Variants in TSPEAR observed in about 807,000 individuals in gnomAD.
TSPEAR encodes thrombospondin-type laminin G domain and EAR repeat-containing protein.
Under a neutral mutation model 71.6 loss-of-function variants are expected in TSPEAR, and 69 were observed. The observed-to-expected ratio is 0.96, with a 90% CI of 0.79 to 1.18. The LOEUF (loss-of-function observed/expected upper bound fraction) is 1.18. TSPEAR is among the 50% of genes most tolerant of loss of function. The pLI, the probability that TSPEAR is intolerant of heterozygous loss-of-function variation, is 0.00. For synonymous variants in TSPEAR, 402 were observed against 387.2 expected, an observed-to-expected ratio of 1.04 and a Z score of -0.45; for missense variants, 971 against 894.9, an observed-to-expected ratio of 1.09 and a Z score of -1.09.
chr21:44,540,091 A>G (rs77453493), intron 2 of TSPEAR: 16,454 of 1,613,758 alleles, frequency 0.01, 86 homozygotes, highest in African/African-American at 0.019. Context: ...CTGGGCAGGC[A>G]TCCACCTGCC....
chr21:44,593,775 C>T lies in TSPEAR; in HGVS notation c.83-25770G>A, dbSNP rs1980165571. On this transcript the variant is annotated intron_variant, in intron 1 of 11. Coordinates refer to ENST00000323084, the MANE Select transcript of TSPEAR (RefSeq NM_144991.3). The surrounding 1 kb of genome is among the most constrained non-coding windows in gnomAD (Gnocchi z 5.9). ...ACACTGAGAGGACGGACTCTGCTCT[C>T]ACGCCACAGCTGCTGTTTTTCTACA... Among the ~76,000 whole-genome samples, 2 of 152,232 alleles carry T rather than the reference C, an allele frequency of 1.3e-5. No individual in the cohort carries two copies. The highest frequency in any genetic ancestry group is 2.9e-5 in the Non-Finnish European group (2 of 68,050).
At chr21:44,601,694 C>G (rs782544564) in intron 1 of TSPEAR, 7 of 1,612,166 alleles carry the variant, frequency 4.3e-6, no homozygotes, top group Non-Finnish European at 5.1e-6. Flanking sequence ...TCCCGCCCGG[C>G]CTGCTGTGGC....
intron 2 of TSPEAR, chr21:44,558,101 G>T (rs781824047): frequency 6.2e-7 from 1 of 1,610,252 alleles, no homozygotes; most frequent in South Asian, 1.1e-5. Context: ...CGGAAGAGAG[G>T]CGGGAGCACG....
intron 2 of TSPEAR, among the ~76,000 whole-genome samples, chr21:44,567,102 A>T (rs1243002237): frequency 3.3e-5 from 5 of 152,226 alleles, no homozygotes; most frequent in African/African-American, 1.2e-4. Flanking sequence ...AATATTTGCA[A>T]ATCATATATC....
rs1488122806 is a variant in TSPEAR at position 44,503,631 on chromosome 21, T to C, written c.1856+1149A>G. The stretch of plus-strand genomic sequence containing the variant: ...CAAGGCGCTGGGAGGAGGCCGGCCT[T>C]GGTGAGCCCTTGGGGGGAAGCCGGC... On this transcript the variant is annotated intron_variant, in intron 11 of 11. Transcript: ENST00000323084. 9.1e-5 allele frequency among the ~76,000 whole-genome samples: 10 copies of C among 109,870 alleles called. No individual in the cohort carries two copies. In the South Asian group the frequency reaches 9.5e-4, roughly 10 times the overall value. 72.1% of individuals were successfully genotyped at this position (109,870 alleles called of 152,430 possible). A position where few individuals can be genotyped will look rare whatever the true frequency, so the allele number is the denominator to read the frequency against.
chr21:44,601,139 G>C (rs1187955755), intron 1 of TSPEAR: 5 of 1,599,430 alleles, frequency 3.1e-6, no homozygotes, highest in Non-Finnish European at 4.2e-6. Flanking sequence ...TCTTCGTGCT[G>C]CCAGCAGTCT....
At chr21:44,561,300 G>T (rs1251830405) in intron 2 of TSPEAR, among the ~76,000 whole-genome samples, 2 of 152,272 alleles carry the variant, frequency 1.3e-5, no homozygotes, top group Admixed American at 6.5e-5. Flanking sequence ...TTGAATCCCT[G>T]AATAGATTAT....
At chr21:44,548,013 C>T (rs2146021635) in intron 2 of TSPEAR, among the ~76,000 whole-genome samples, 1 of 152,362 alleles carries the variant, frequency 6.6e-6, no homozygotes, top group Non-Finnish European at 1.5e-5. Flanking sequence ...TCCTCCCAGG[C>T]TTTTTGGGCA....
intron 2 of TSPEAR, among the ~76,000 whole-genome samples, chr21:44,562,637 T>G (rs1427700828): frequency 5.3e-5 from 8 of 152,066 alleles, no homozygotes; most frequent in African/African-American, 1.9e-4. Context: ...AAACAAGTTA[T>G]TTATAAGAGA....
At chr21:44,605,386 A>G (rs751216211) in intron 1 of TSPEAR, among the ~76,000 whole-genome samples, 2 of 152,236 alleles carry the variant, frequency 1.3e-5, no homozygotes, top group African/African-American at 4.8e-5. Context: ...ACCTAAAGCT[A>G]TCTACAGATT....
At chr21:44,594,761 A>G (rs1980245594) in intron 1 of TSPEAR, among the ~76,000 whole-genome samples, 1 of 151,476 alleles carries the variant, frequency 6.6e-6, no homozygotes, top group Non-Finnish European at 1.5e-5. Flanking sequence ...GCTTTCTTGC[A>G]GGCTGTGCCC....
intron 1 of TSPEAR, among the ~76,000 whole-genome samples, chr21:44,584,191 T>C (rs782064651): frequency 2.6e-5 from 4 of 152,236 alleles, no homozygotes; most frequent in Non-Finnish European, 5.9e-5. Context: ...GCAGTATTTG[T>C]CTTTCTGTGG....
In TSPEAR at chr21:44,592,654, C is replaced by T. The variant is rs143544538; in HGVS notation, c.83-24649G>A. On this transcript the variant is annotated intron_variant, in intron 1 of 11. Coordinates refer to ENST00000323084, the MANE Select transcript of TSPEAR (RefSeq NM_144991.3). ...GGTGTTTGTTCGCCCGTGATGTGGG[C>T]CAGCTCATAAATCTCCCATCACATC... is the stretch of plus-strand genomic sequence containing the variant. 5.6e-4 allele frequency: 613 copies of T among 1,088,844 alleles called. 1 individual carries two copies. In the African/African-American group the frequency reaches 8.7e-3, roughly 15 times the overall value. The allele number at this position is 1,088,844 out of a possible 1,614,324, so 67.4% of individuals were successfully genotyped here.
chr21:44,539,315 C>T (rs781801818), intron 2 of TSPEAR: 43 of 1,610,446 alleles, frequency 2.7e-5, no homozygotes, highest in South Asian at 1.3e-4. Flanking sequence ...GCAGGCCGGG[C>T]GGGAGCACGC....
At chr21:44,584,679 G>C (rs1555925512) in intron 1 of TSPEAR, among the ~76,000 whole-genome samples, 1 of 152,068 alleles carries the variant, frequency 6.6e-6, no homozygotes, top group African/African-American at 2.4e-5. Flanking sequence ...TATATTAGAG[G>C]AATCCAGAAG....
intron 1 of TSPEAR, among the ~76,000 whole-genome samples, chr21:44,674,525 C>T (rs1321215972): frequency 3.9e-5 from 6 of 151,908 alleles, no homozygotes; most frequent in African/African-American, 1.5e-4. Context: ...GAGACCAGCC[C>T]GGGCAACATG....
intron 1 of TSPEAR, among the ~76,000 whole-genome samples, chr21:44,633,468 T>G (rs1983368485): frequency 6.6e-6 from 1 of 152,264 alleles, no homozygotes; most frequent in Non-Finnish European, 1.5e-5. Context: ...AACTTCTCTT[T>G]TGATTTATTC....
Position 44,525,567 on chromosome 21 carries a change from A to G in TSPEAR, c.1336+86T>C. On this transcript the variant is annotated intron_variant, in intron 8 of 11. Transcript: ENST00000323084. ...TGCTGCATGTGGCTTATTGTTTTCT[A>G]ATAAGATACACATTCGCCCTGCCTG... The G allele has an allele frequency of 4.4e-6, 6 of 1,371,256 alleles. No homozygotes were observed. The Admixed American group carries it at 7.7e-5, about 17-fold the overall frequency. The allele number at this position is 1,371,256 out of a possible 1,614,324, so 84.9% of individuals were successfully genotyped here.
intron 1 of TSPEAR, chr21:44,580,622 AGTG>A: frequency 6.4e-7 from 1 of 1,560,088 alleles, no homozygotes; most frequent in Non-Finnish European, 8.7e-7. Flanking sequence ...GGGAGGTGTG[AGTG>A]AGTGAGTGTG....
Sources: allele counts gnomAD v4.1 joint callset (sites outside exome capture counted in the v4.1 genomes callset), GRCh38; gene constraint gnomAD v4.1.1; non-coding constraint Gnocchi (gnomAD v3.1); transcripts MANE v1.5; gene names NCBI Gene and HGNC (gene_info 2026-07-23, HGNC 2026-07-21).